KIF20B: variants seen among roughly 807,000 people sequenced by gnomAD.
The protein encoded by KIF20B is kinesin-like protein KIF20B.
KIF20B carries 188 observed loss-of-function variants against 232.5 expected under a neutral mutation model. That is an observed-to-expected ratio of 0.81 (90% CI 0.72 to 0.91). KIF20B has a LOEUF of 0.91. Ranked by LOEUF, KIF20B falls within the 40% of genes least tolerant of loss-of-function variation. KIF20B has a pLI of 0.00. For missense variants in KIF20B, 2,154 were observed against 2,055.9 expected (o/e 1.05, Z -0.92); for synonymous variants, 712 against 683.0 (o/e 1.04, Z -0.66).
intron 23 of KIF20B, among the ~76,000 whole-genome samples, chr10:89,747,324 G>A (rs1279114139): frequency 6.6e-6 from 1 of 151,982 alleles, no homozygotes; most frequent in Non-Finnish European, 1.5e-5. Flanking sequence ...GGAAGTCAGT[G>A]TGGCGATTCC....
chr10:89,710,256 C>A (rs943709521), intron 5 of KIF20B, among the ~76,000 whole-genome samples, 191 bp downstream of exon 5: 1 of 146,896 alleles, frequency 6.8e-6, no homozygotes, highest in Admixed American at 6.9e-5. Context: ...GAGTCTCACT[C>A]TGTTGCCCAG....
chr10:89,719,465 G>A lies in KIF20B; in HGVS notation c.1481G>A (p.Gly494Glu). 1 of 1,600,390 alleles carries A rather than the reference G, an allele frequency of 6.2e-7. No homozygotes were observed. Among genetic ancestry groups the A allele is most frequent in the Non-Finnish European group, 8.5e-7 (1 of 1,174,392 alleles). The change falls in exon 13 of 33, where the codon GGA (glycine) becomes GAA (glutamate). Residue 494 changes from glycine to glutamate, a missense_variant. Coordinates refer to ENST00000371728, the MANE Select transcript of KIF20B (RefSeq NM_001284259.2). Reference protein sequence around the residue: ...TLNSSQEKLFGPVKSSQDVSL... With the variant: ...TLNSSQEKLFEPVKSSQDVSL... ...AATTCCTCTCAAGAGAAATTATTTG[G>A]ACCTGTCAAATCTTCTCAAGATGTA...
chr10:89,701,942 ATC>A (rs1421206731), intron 1 of KIF20B, among the ~76,000 whole-genome samples: 2 of 152,128 alleles, frequency 1.3e-5, no homozygotes, highest in Non-Finnish European at 2.9e-5. Context: ...AATTCATTTA[ATC>A]TCTCTCTGTA....
rs766739846 is a variant in KIF20B, at chr10:89,758,885, C to T, written c.4680+3C>T. ...TCATATCAGAGACTTCTAAAATAGTCAGTAGTCTTTTTTGCTATGCCTTTT... is the reference window on the plus strand; with the variant it reads ...TCATATCAGAGACTTCTAAAATAGTTAGTAGTCTTTTTTGCTATGCCTTTT... On this transcript the variant is annotated splice_donor_region_variant and intron_variant, in intron 27 of 32. Coordinates refer to ENST00000371728, the MANE Select transcript of KIF20B (RefSeq NM_001284259.2). 3 of 1,492,892 alleles carry T rather than the reference C, an allele frequency of 2.0e-6. No homozygotes were observed. The highest frequency in any genetic ancestry group is 9.0e-7 in the Non-Finnish European group (1 of 1,115,542). 92.5% of individuals were successfully genotyped at this position (1,492,892 alleles called of 1,614,324 possible).
In KIF20B at chr10:89,752,708, G is replaced by A. The variant is rs1564672179; in HGVS notation, c.4347+17G>A. 6.7e-7 allele frequency: 1 copy of A among 1,499,550 alleles called. No individual in the cohort carries two copies. Among genetic ancestry groups the A allele is most frequent in the Admixed American group, 2.3e-5 (1 of 42,964 alleles). The allele number at this position is 1,499,550 out of a possible 1,614,324, so 92.9% of individuals were successfully genotyped here. The stretch of plus-strand genomic sequence containing the variant: ...GAGTTACAGGTATGACTTTATGTAT[G>A]TTTTTATGTATGAATGTATCTGTCT... On this transcript the variant is annotated intron_variant, in intron 25 of 32. Coordinates refer to ENST00000371728, the MANE Select transcript of KIF20B (RefSeq NM_001284259.2).
Position 89,711,079 on chromosome 10 carries a change from GT to G in KIF20B, c.611del (p.Leu204TyrfsTer37). 5 of 1,598,102 alleles carry G rather than the reference GT, an allele frequency of 3.1e-6. No homozygotes were observed. The highest frequency in any genetic ancestry group is 4.3e-6 in the Non-Finnish European group (5 of 1,170,924). Reference sequence around the variant, plus strand: ...CACATAGATCCAGAGAATACTTAAGGTTATCATCAGAACAAGAGAAAGAAGA... The same window carrying G: ...CACATAGATCCAGAGAATACTTAAGGTATCATCAGAACAAGAGAAAGAAGA... ...KPHRSREYLR[L>X]SSEQEKEEIA... On this transcript the variant is annotated frameshift_variant, in exon 6 of 33. Transcript: ENST00000371728. LOFTEE classifies it high-confidence loss of function.
intron 18 of KIF20B, among the ~76,000 whole-genome samples, chr10:89,729,476 G>A (rs7895001): frequency 0.31 from 46,976 of 152,098 alleles, 8,166 homozygotes; most frequent in African/African-American, 0.46. Context: ...CGCTGGCAGT[G>A]CTTTGCATGT....
At chr10:89,750,716 A>G (rs1842004926) in intron 23 of KIF20B, among the ~76,000 whole-genome samples, 1 of 152,158 alleles carries the variant, frequency 6.6e-6, no homozygotes, top group South Asian at 2.1e-4. Context: ...ATAGTTGCTT[A>G]CAAGTAATTG....
chr10:89,737,406 A>G lies in KIF20B; in HGVS notation c.2565A>G (p.Ser855=). 1.3e-6 allele frequency: 2 copies of G among 1,580,440 alleles called. No homozygotes were observed. The highest frequency in any genetic ancestry group is 2.4e-5 in the South Asian group (2 of 83,820). Reference sequence around the variant, plus strand: ...TTAAAGGGTCTATCCATGTTAGTTCAGCTATCACTGAAGACCAAAAGAAAA... The same window carrying G: ...TTAAAGGGTCTATCCATGTTAGTTCGGCTATCACTGAAGACCAAAAGAAAA... ...PAKKGSIHVS[S]AITEDQKKSE... Residue 855 remains serine, a synonymous_variant, in exon 20 of 33, where the codon TCA becomes TCG. Coordinates refer to ENST00000371728, the MANE Select transcript of KIF20B (RefSeq NM_001284259.2).
chr10:89,737,091 T>C (rs2133125869), intron 19 of KIF20B, among the ~76,000 whole-genome samples: 1 of 152,202 alleles, frequency 6.6e-6, no homozygotes, highest in East Asian at 1.9e-4. Context: ...TAAATAATAC[T>C]GAAAGTTAGA....
At chr10:89,763,368 C>T (rs1842285467) in intron 29 of KIF20B, among the ~76,000 whole-genome samples, 1 of 152,158 alleles carries the variant, frequency 6.6e-6, no homozygotes, top group African/African-American at 2.4e-5. Context: ...TTCAGTTAAA[C>T]TATAATACAT....
chr10:89,725,532 T>G (rs1351485587), intron 15 of KIF20B, among the ~76,000 whole-genome samples: 1 of 152,134 alleles, frequency 6.6e-6, no homozygotes, highest in African/African-American at 2.4e-5. Flanking sequence ...AAAACAAAAA[T>G]GTTTATGTAT....
chr10:89,722,958 T>C (rs532429476), intron 13 of KIF20B, among the ~76,000 whole-genome samples: 2 of 152,326 alleles, frequency 1.3e-5, no homozygotes, highest in South Asian at 2.1e-4. Context: ...ATATAGGTTA[T>C]CATTGATTAC....
Position 89,737,608 on chromosome 10 carries a change from GAA to G in KIF20B, c.2773_2774del (p.Lys925GlufsTer6). On this transcript the variant is annotated frameshift_variant, in exon 20 of 33. Transcript: ENST00000371728. LOFTEE classifies it high-confidence loss of function. ...VHFQQELSLSEKKNLTLSKEV... is the reference protein window; with the variant it reads ...VHFQQELSLSXKKNLTLSKEV... ...TTTTCAGCAGGAACTTTCTCTTTCT[GAA>G]AAAAAGAATTTAACTTTAAGTAAAG... The G allele has an allele frequency of 6.2e-7, 1 of 1,603,064 alleles. No individual in the cohort carries two copies.
intron 24 of KIF20B, among the ~76,000 whole-genome samples, chr10:89,752,210 G>A (rs1842034507): frequency 6.6e-6 from 1 of 152,020 alleles, no homozygotes; most frequent in South Asian, 2.1e-4. Flanking sequence ...TTGTGATGAG[G>A]ATGAGGACAG....
At chr10:89,753,951 T>C (rs1842072490) in intron 25 of KIF20B, among the ~76,000 whole-genome samples, 1 of 151,682 alleles carries the variant, frequency 6.6e-6, no homozygotes, top group Non-Finnish European at 1.5e-5. Flanking sequence ...TTATTTTTAT[T>C]TCAAATGAAG....
chr10:89,717,357 C>A, intron 9 of KIF20B, 67 bp from the exon 10 acceptor site: 1 of 964,318 alleles, frequency 1.0e-6, no homozygotes, highest in Non-Finnish European at 1.6e-6. Context: ...GATTTGAATA[C>A]TTGTCTCTCC....
At position 89,758,987 on chromosome 10, in the gene KIF20B, A is replaced by G. The variant is rs892723999; in HGVS notation, c.4680+105A>G. The G allele has an allele frequency of 8.4e-6, 5 of 597,080 alleles. No individual in the cohort carries two copies. In the Admixed American group the frequency reaches 1.7e-4, roughly 20 times the overall value. The allele number at this position is 597,080 out of a possible 1,614,324, so 37.0% of individuals were successfully genotyped here. ...TGTAAGTCTCAATAGACCAAAAAGGAATCAGAGTATTTAAAATGTGGAAAT... is the reference window on the plus strand; with the variant it reads ...TGTAAGTCTCAATAGACCAAAAAGGGATCAGAGTATTTAAAATGTGGAAAT... On this transcript the variant is annotated intron_variant, in intron 27 of 32. Coordinates refer to ENST00000371728, the MANE Select transcript of KIF20B (RefSeq NM_001284259.2).
intron 26 of KIF20B, among the ~76,000 whole-genome samples, chr10:89,755,378 C>G (rs960411065): frequency 6.8e-6 from 1 of 148,056 alleles, no homozygotes; most frequent in Non-Finnish European, 1.5e-5. Flanking sequence ...TTCCTTCTTT[C>G]CTTCCTTCCT....
Sources: allele counts gnomAD v4.1 joint callset (sites outside exome capture counted in the v4.1 genomes callset), GRCh38; gene constraint gnomAD v4.1.1; transcripts MANE v1.5; gene names NCBI Gene and HGNC (gene_info 2026-07-23, HGNC 2026-07-21).